Variants in HTN1 observed in about 807,000 individuals in gnomAD.
HTN1 encodes the protein histatin 1, also known as histatin-1.
Under a neutral mutation model 11.2 loss-of-function variants are expected in HTN1, and 18 were observed. The ratio of observed to expected loss-of-function variants is 1.61; its 90% CI spans 1.12 to 2.39. The LOEUF is 2.39. Among genes scored for constraint, HTN1 ranks in the 30% most tolerant of loss-of-function variants. The pLI, the probability that HTN1 is intolerant of heterozygous loss-of-function variation, is 0.00. For synonymous variants in HTN1, 21 were observed against 20.5 expected (o/e 1.02, Z -0.07); for missense variants, 80 against 67.2 (o/e 1.19, Z -0.67).
At chr4:70,053,606 C>A (rs892070260) in intron 2 of HTN1, among the ~76,000 whole-genome samples, 4 of 152,182 alleles carry the variant, frequency 2.6e-5, no homozygotes, top group South Asian at 2.1e-4. Flanking sequence ...TTATTTTAAA[C>A]CATAAAACAA....
At chr4:70,052,999 T>C (rs539080915) in intron 1 of HTN1, 65 bp from the exon 2 acceptor site, 6 of 956,202 alleles carry the variant, frequency 6.3e-6, no homozygotes, top group East Asian at 2.4e-5. Context: ...GTGTCATCAA[T>C]AGAAGTTTGA....
chr4:70,051,314 A>G (rs6853611), intron 1 of HTN1, among the ~76,000 whole-genome samples: 75,599 of 151,964 alleles, frequency 0.5, 19,997 homozygotes, highest in East Asian at 0.64. Flanking sequence ...CATATACTGT[A>G]TAAGAGTTAG....
At chr4:70,054,491 C>T (rs10008606) in intron 4 of HTN1, 41 bp downstream of exon 4, 2 of 1,261,948 alleles carry the variant, frequency 1.6e-6, no homozygotes, top group East Asian at 2.4e-5. Context: ...AATAAATTTT[C>T]CTCTCTGACT....
Position 70,052,899 on chromosome 4 carries a change from A to G in HTN1, c.-13-165A>G, listed in dbSNP as rs567474826. The G allele has an allele frequency of 4.9e-5, 27 of 549,782 alleles. No homozygotes were observed. The South Asian group carries it at 6.8e-4, about 14-fold the overall frequency. 34.1% of individuals were successfully genotyped at this position (549,782 alleles called of 1,614,324 possible). On this transcript the variant is annotated intron_variant, in intron 1 of 5. Transcript: ENST00000246896. ...GGCTAAGGTGGGAGGATGGCTTGAGACCAGATGGTCCAGGCTGCAGTGATC... is the reference window on the plus strand; with the variant it reads ...GGCTAAGGTGGGAGGATGGCTTGAGGCCAGATGGTCCAGGCTGCAGTGATC...
chr4:70,058,171 A>T (rs1726092364), intron 5 of HTN1: 3 of 152,152 alleles, frequency 2.0e-5, no homozygotes, highest in Admixed American at 2.0e-4. Flanking sequence ...TTTTATTCAT[A>T]TTGAATTCCT....
Position 70,053,076 on chromosome 4 carries a change from T to A in HTN1, c.-1T>A, listed in dbSNP as rs1217558189. ...TTTGATTTTATAGGACTCAGCCAAC[T>A]ATGAAGTTTTTTGTCTTTGCTTTAG... On this transcript the variant is annotated 5_prime_UTR_variant, in exon 2 of 6. Transcript: ENST00000246896. The A allele has an allele frequency of 1.9e-6, 3 of 1,605,242 alleles. No homozygotes were observed. The highest frequency in any genetic ancestry group is 2.6e-6 in the Non-Finnish European group (3 of 1,172,328).
rs754523020 is a variant in HTN1, at chr4:70,054,306, T to C, written c.52-16T>C. 2.8e-6 allele frequency: 4 copies of C among 1,416,796 alleles called. No homozygotes were observed. The Admixed American group carries it at 8.7e-5, about 31-fold the overall frequency. 87.8% of individuals were successfully genotyped at this position (1,416,796 alleles called of 1,614,324 possible). A position where few individuals can be genotyped will look rare whatever the true frequency, so the allele number is the denominator to read the frequency against. On this transcript the variant is annotated splice_polypyrimidine_tract_variant and intron_variant, in intron 2 of 5. Transcript: ENST00000246896. Reference sequence around the variant, plus strand: ...ATTAAAATATTAATTATTTTCTCATTTTCTTTTTTTCCAAGAGCGCTGATT... The same window carrying C: ...ATTAAAATATTAATTATTTTCTCATCTTCTTTTTTTCCAAGAGCGCTGATT...
chr4:70,055,409 TC>T, intron 4 of HTN1, 88 bp from the exon 5 acceptor site: 1 of 913,960 alleles, frequency 1.1e-6, no homozygotes, highest in Admixed American at 1.9e-5. Context: ...ACTTTAGCAA[TC>T]TAAGCTTTTA....
chr4:70,052,269 C>T (rs181228455), intron 1 of HTN1, among the ~76,000 whole-genome samples: 9 of 152,264 alleles, frequency 5.9e-5, no homozygotes, highest in Admixed American at 5.2e-4. Context: ...TAATAGAACT[C>T]TGGCTCATAG....
intron 5 of HTN1, chr4:70,056,969 A>G (rs1382847170): frequency 1.3e-5 from 2 of 152,196 alleles, no homozygotes; most frequent in African/African-American, 4.8e-5. Flanking sequence ...ATTGTGGAAG[A>G]CAGTATGGTG....
chr4:70,054,333 A>G lies in HTN1; in HGVS notation c.63A>G (p.Ser21=), dbSNP rs1258848265. ...TCTTTTTTTCCAAGAGCGCTGATTC[A>G]CATGAAAAGGTAAGACATTTTCATT... ...ALMISMISAD[S]HEKRHHGYRR... Residue 21 remains serine (S), a synonymous_variant, in exon 3 of 6, where the codon TCA becomes TCG. Coordinates refer to ENST00000246896, the MANE Select transcript of HTN1 (RefSeq NM_002159.4). The G allele has an allele frequency of 6.6e-7, 1 of 1,518,088 alleles. No homozygotes were observed. Among genetic ancestry groups the G allele is most frequent in the South Asian group, 1.3e-5 (1 of 79,704 alleles). The allele number at this position is 1,518,088 out of a possible 1,614,324, so 94.0% of individuals were successfully genotyped here.
chr4:70,052,833 T>A, intron 1 of HTN1: 1 of 359,266 alleles, frequency 2.8e-6, no homozygotes, highest in African/African-American at 2.1e-5. Flanking sequence ...CTGGGCATGG[T>A]GGCACACACT....
chr4:70,054,721 G>C (rs1488927975), intron 4 of HTN1, among the ~76,000 whole-genome samples: 1 of 151,930 alleles, frequency 6.6e-6, no homozygotes, highest in Non-Finnish European at 1.5e-5. Context: ...TAATTTCATT[G>C]ACCTAAAGAA....
intron 2 of HTN1, among the ~76,000 whole-genome samples, chr4:70,053,539 A>G (rs1725953910): frequency 6.6e-6 from 1 of 152,162 alleles, no homozygotes; most frequent in African/African-American, 2.4e-5. Flanking sequence ...CATTTCTTGC[A>G]CAACCTACTC....
At chr4:70,057,099 C>A (rs1341514321) in intron 5 of HTN1, 1 of 152,138 alleles carries the variant, frequency 6.6e-6, no homozygotes, top group Non-Finnish European at 1.5e-5. Flanking sequence ...ATGTTTATTG[C>A]AGCACTATTT....
At position 70,058,800 on chromosome 4, in the gene HTN1, A is replaced by C. The variant is rs1443554895; in HGVS notation, c.*254A>C. The C allele has an allele frequency of 6.6e-6, 1 of 152,158 alleles. No individual in the cohort carries two copies. Among genetic ancestry groups the C allele is most frequent in the Non-Finnish European group, 1.5e-5 (1 of 68,016 alleles). The allele number at this position is 152,158 out of a possible 1,614,324, so 9.4% of individuals were successfully genotyped here. A position where few individuals can be genotyped will look rare whatever the true frequency, so the allele number is the denominator to read the frequency against. On this transcript the variant is annotated 3_prime_UTR_variant, in exon 6 of 6. Coordinates refer to ENST00000246896, the MANE Select transcript of HTN1 (RefSeq NM_002159.4). ...CTGTTTTCACTGCTGTTTCTGAGTA[A>C]TAGAAATTCATTCCTCTCCAAAAGC...
chr4:70,052,477 C>T (rs1303852448), intron 1 of HTN1, among the ~76,000 whole-genome samples: 1 of 152,024 alleles, frequency 6.6e-6, no homozygotes, highest in African/African-American at 2.4e-5. Context: ...ACATGCTTTC[C>T]TCTCTGTTTT....
chr4:70,052,402 C>T (rs1332545454), intron 1 of HTN1, among the ~76,000 whole-genome samples: 2 of 152,134 alleles, frequency 1.3e-5, no homozygotes, highest in Admixed American at 1.3e-4. Context: ...AGTGTCACAA[C>T]AACCTAAGTG....
intron 1 of HTN1, among the ~76,000 whole-genome samples, chr4:70,050,962 C>A (rs1319890123): frequency 6.6e-6 from 1 of 152,032 alleles, no homozygotes; most frequent in Admixed American, 6.6e-5. Context: ...AAGATGACTT[C>A]CAGATCTCAA....
Sources: allele counts gnomAD v4.1 joint callset (sites outside exome capture counted in the v4.1 genomes callset), GRCh38; gene constraint gnomAD v4.1.1; transcripts MANE v1.5; gene names NCBI Gene and HGNC (gene_info 2026-07-23, HGNC 2026-07-21).